Variants in EHHADH observed in about 807,000 individuals in gnomAD.
The protein encoded by EHHADH is enoyl-CoA hydratase and 3-hydroxyacyl CoA dehydrogenase.
Under a neutral mutation model 64.4 loss-of-function variants are expected in EHHADH, and 48 were observed. The ratio of observed to expected loss-of-function variants is 0.75; its 90% confidence interval spans 0.59 to 0.95. The LOEUF (loss-of-function observed/expected upper bound fraction) is 0.95, where lower values mean the gene tolerates loss of function less well. Among genes scored for constraint, EHHADH ranks in the 40% least tolerant of loss-of-function variants. EHHADH has a pLI of 0.00. For missense variants in EHHADH, 854 were observed against 876.6 expected (o/e 0.97, Z 0.33); for synonymous variants, 308 against 326.7 (o/e 0.94, Z 0.62).
At position 185,246,167 on chromosome 3, in the gene EHHADH, C is replaced by T. The variant is rs542025582; in HGVS notation, c.178+2247G>A. 6.1e-5 allele frequency: 64 copies of T among 1,048,894 alleles called. No homozygotes were observed. In the Admixed American group the frequency reaches 1.2e-3, roughly 19 times the overall value. The allele number at this position is 1,048,894 out of a possible 1,614,324, so 65.0% of individuals were successfully genotyped here. On this transcript the variant is annotated intron_variant, in intron 2 of 6. Coordinates refer to ENST00000231887, the MANE Select transcript of EHHADH (RefSeq NM_001966.4). ...TTAAGATCCTTTACAACTTCTTCAGCTTCATCAATATCAAATATCTTTTTT... is the reference window on the plus strand; with the variant it reads ...TTAAGATCCTTTACAACTTCTTCAGTTTCATCAATATCAAATATCTTTTTT...
chr3:185,194,825 A>AAAAAAAAAAAAAAAAAAAAC (rs1718016180), intron 6 of EHHADH, among the ~76,000 whole-genome samples: 2 of 145,890 alleles, frequency 1.4e-5, no homozygotes, highest in Non-Finnish European at 3.0e-5. Context: ...AAAAAAAAAA[A>AAAAAAAAAAAAAAAAAAAAC]AAAGAAGCCT....
At chr3:185,233,225 T>G (rs1214481213) in intron 3 of EHHADH, among the ~76,000 whole-genome samples, 1 of 152,208 alleles carries the variant, frequency 6.6e-6, no homozygotes, top group African/African-American at 2.4e-5. Flanking sequence ...GGGCAAGTAA[T>G]GGAGGCTACA....
chr3:185,222,055 GA>G (rs1718850471), intron 4 of EHHADH, among the ~76,000 whole-genome samples: 1 of 152,046 alleles, frequency 6.6e-6, no homozygotes, highest in Non-Finnish European at 1.5e-5. Context: ...TACTGTATTA[GA>G]AATTAAAACT....
chr3:185,245,641 A>G, intron 2 of EHHADH: 1 of 726,502 alleles, frequency 1.4e-6, no homozygotes, highest in Admixed American at 2.1e-5. Flanking sequence ...ACTCCTTGAT[A>G]AATCTTAAGA....
In EHHADH at chr3:185,193,458, T is replaced by C; in HGVS notation, c.940A>G (p.Ile314Val). The C allele has an allele frequency of 1.2e-6, 2 of 1,614,064 alleles. No individual in the cohort carries two copies. Among genetic ancestry groups the C allele is most frequent in the Non-Finnish European group, 1.7e-6 (2 of 1,179,984 alleles). ...GGAATCCTGGCCCTTGCAAAAGAAA[T>C]GACAATGCCTCGGCCCATTGTTCCC... ...GLGTMGRGIV[I>V]SFARARIPVI... Residue 314 changes from isoleucine (I) to valine (V), a missense_variant, in exon 7 of 7, where the codon ATT becomes GTT. Coordinates refer to ENST00000231887, the MANE Select transcript of EHHADH (RefSeq NM_001966.4).
At chr3:185,245,546 G>T in intron 2 of EHHADH, 1 of 962,482 alleles carries the variant, frequency 1.0e-6, no homozygotes, top group Non-Finnish European at 1.6e-6. Flanking sequence ...CATCTAGAAT[G>T]ACAAGTTTCA....
chr3:185,206,859 C>T (rs954965652), intron 5 of EHHADH, among the ~76,000 whole-genome samples: 1 of 151,122 alleles, frequency 6.6e-6, no homozygotes, highest in African/African-American at 2.4e-5. Context: ...AATGAAATGA[C>T]AAGCCATAAA....
intron 2 of EHHADH, among the ~76,000 whole-genome samples, chr3:185,241,343 T>C (rs922697752): frequency 1.3e-5 from 2 of 152,218 alleles, no homozygotes; most frequent in Non-Finnish European, 2.9e-5. Flanking sequence ...GATCAAATGG[T>C]AGTTCTACTT....
At chr3:185,246,160 T>G in intron 2 of EHHADH, 1 of 1,082,836 alleles carries the variant, frequency 9.2e-7, no homozygotes, top group Non-Finnish European at 1.4e-6. Context: ...CTTTACAACT[T>G]CTTCAGCTTC....
At chr3:185,203,825 C>T (rs908391891) in intron 6 of EHHADH, among the ~76,000 whole-genome samples, 3 of 151,972 alleles carry the variant, frequency 2.0e-5, no homozygotes, top group South Asian at 2.1e-4. Flanking sequence ...GAGATTCATA[C>T]AGGGAAGAGG....
At chr3:185,217,728 C>CT (rs1374351349) in intron 5 of EHHADH, among the ~76,000 whole-genome samples, 7 of 150,050 alleles carry the variant, frequency 4.7e-5, no homozygotes, top group Non-Finnish European at 8.9e-5. Flanking sequence ...CCAATTAAAT[C>CT]TTTTTTTCTT....
intron 1 of EHHADH, chr3:185,253,742 T>G (rs1420905207): frequency 8.5e-7 from 1 of 1,182,816 alleles, no homozygotes; most frequent in Non-Finnish European, 1.1e-6. Flanking sequence ...CTGCGAAGAT[T>G]AACCAAGCTA....
At chr3:185,251,559 A>T (rs1193762861) in intron 1 of EHHADH, among the ~76,000 whole-genome samples, 4 of 152,148 alleles carry the variant, frequency 2.6e-5, no homozygotes. Flanking sequence ...ATGGCTGGCT[A>T]AACTAGCAAT....
At chr3:185,229,613 C>G (rs1719101607) in intron 3 of EHHADH, 70 bp from the exon 4 acceptor site, 1 of 926,794 alleles carries the variant, frequency 1.1e-6, no homozygotes, top group African/African-American at 1.7e-5. Context: ...CAAGCGTTTC[C>G]CTGGATTTCC....
intron 1 of EHHADH, among the ~76,000 whole-genome samples, chr3:185,252,045 G>A (rs1719762228): frequency 6.6e-6 from 1 of 152,160 alleles, no homozygotes; most frequent in Non-Finnish European, 1.5e-5. Context: ...AAAGAGGATG[G>A]GGGTGGCACA....
chr3:185,194,825 A>AAAAAAAAAAAAAAAAAG (rs1718016180), intron 6 of EHHADH, among the ~76,000 whole-genome samples: 1 of 145,890 alleles, frequency 6.9e-6, no homozygotes, highest in African/African-American at 2.5e-5. Flanking sequence ...AAAAAAAAAA[A>AAAAAAAAAAAAAAAAAG]AAAGAAGCCT....
At chr3:185,225,653 GTTCT>G (rs1227545614) in intron 4 of EHHADH, among the ~76,000 whole-genome samples, 6 of 152,028 alleles carry the variant, frequency 3.9e-5, no homozygotes, top group Non-Finnish European at 1.5e-5. Context: ...AAAAGCCAAA[GTTCT>G]TTCTATAACC....
At chr3:185,232,448 A>T (rs1463897043) in intron 3 of EHHADH, among the ~76,000 whole-genome samples, 1 of 151,792 alleles carries the variant, frequency 6.6e-6, no homozygotes, top group African/African-American at 2.4e-5. Flanking sequence ...ACTTATAATG[A>T]TTTTTTTTCT....
Position 185,251,050 on chromosome 3 carries a change from TGACA to T in EHHADH, c.75-2537_75-2534del, listed in dbSNP as rs1409131529. 3.3e-5 allele frequency among the ~76,000 whole-genome samples: 5 copies of T among 152,326 alleles called. No individual in the cohort carries two copies. The East Asian group carries it at 9.6e-4, about 29-fold the overall frequency. ...GATACGCACTTTACTAGATTCAAGC[TGACA>T]GAGAGAGTCATAGCAATGTAAAGGC... On this transcript the variant is annotated intron_variant, in intron 1 of 6. Transcript: ENST00000231887.
Sources: gnomAD v4.1 joint callset for allele counts (sites outside exome capture counted in the v4.1 genomes callset) on GRCh38, gnomAD v4.1.1 for gene constraint, MANE v1.5 for transcripts, NCBI Gene and HGNC (gene_info 2026-07-23, HGNC 2026-07-21) for gene names.